The following RAP1GAP2 variants were observed in gnomAD, a reference collection of about 807,000 sequenced individuals.
RAP1GAP2 encodes the protein RAP1 GTPase activating protein 2, also known as rap1 GTPase-activating protein 2.
A neutral mutation model predicts 95.0 loss-of-function variants in RAP1GAP2; 27 were observed. That is an observed-to-expected ratio of 0.28 (90% CI 0.21 to 0.39). RAP1GAP2 has a LOEUF of 0.39. Among genes scored for constraint, RAP1GAP2 ranks in the 10% least tolerant of loss-of-function variants. The probability of loss-of-function intolerance (pLI) is 1.00; values close to 1 mark genes in which losing one functional copy is unlikely to be tolerated. For synonymous variants in RAP1GAP2, 373 were observed against 380.9 expected, an observed-to-expected ratio of 0.98 and a Z score of 0.24; for missense variants, 771 against 970.0, an observed-to-expected ratio of 0.79 and a Z score of 2.72.
rs1248512126 is a variant in RAP1GAP2, at chr17:2,827,595, G to C, written c.80+27045G>C. 6.6e-6 allele frequency among the ~76,000 whole-genome samples: 1 copy of C among 151,762 alleles called. No individual in the cohort carries two copies. The highest frequency in any genetic ancestry group is 1.5e-5 in the Non-Finnish European group (1 of 68,004). On this transcript the variant is annotated intron_variant, in intron 2 of 24. Coordinates refer to ENST00000254695, the MANE Select transcript of RAP1GAP2 (RefSeq NM_015085.5). This position sits in a 1 kb window ranked among gnomAD's most constrained non-coding sequence, Gnocchi z 4.1. ...GGCCAAGGCGGGTGGATCACCTGAG[G>C]TCAGGGGTTCAAGACCAGCCTGGAT...
At chr17:2,824,320 G>A (rs1277484295) in intron 2 of RAP1GAP2, among the ~76,000 whole-genome samples, 1 of 151,302 alleles carries the variant, frequency 6.6e-6, no homozygotes, top group Non-Finnish European at 1.5e-5. Flanking sequence ...GGTGGCACAC[G>A]CCTGTAATCT....
At chr17:2,916,427 C>G (rs754474571) in intron 3 of RAP1GAP2, among the ~76,000 whole-genome samples, 1 of 152,340 alleles carries the variant, frequency 6.6e-6, no homozygotes, top group Non-Finnish European at 1.5e-5. Context: ...AGATAAATCA[C>G]TTCTGGCATC....
chr17:2,859,713 G>GGT (rs1313676354), intron 2 of RAP1GAP2, among the ~76,000 whole-genome samples: 1 of 152,132 alleles, frequency 6.6e-6, no homozygotes, highest in Non-Finnish European at 1.5e-5. Context: ...TGGGATTATA[G>GGT]GTGTGAGCCG....
At chr17:2,956,396 A>T (rs2044107680) in intron 3 of RAP1GAP2, among the ~76,000 whole-genome samples, 1 of 152,154 alleles carries the variant, frequency 6.6e-6, no homozygotes, top group African/African-American at 2.4e-5. Context: ...CTCTCCAGGG[A>T]CTTCACCAGG....
intron 2 of RAP1GAP2, among the ~76,000 whole-genome samples, chr17:2,898,929 G>C (rs895625337): frequency 6.8e-6 from 1 of 146,086 alleles, no homozygotes; most frequent in East Asian, 1.9e-4. Flanking sequence ...TGGTGCTGGA[G>C]TATTGATTAG....
At chr17:2,885,095 A>C (rs996058978) in intron 2 of RAP1GAP2, among the ~76,000 whole-genome samples, 11 of 134,626 alleles carry the variant, frequency 8.2e-5, no homozygotes, top group Non-Finnish European at 1.5e-4. Flanking sequence ...GTACAGTGGC[A>C]CGATCTCGGC....
Position 3,026,000 on chromosome 17 carries a change from TC to T in RAP1GAP2, c.1752-5del. On this transcript the variant is annotated splice_region_variant and splice_polypyrimidine_tract_variant and intron_variant, in intron 19 of 24. Coordinates refer to ENST00000254695, the MANE Select transcript of RAP1GAP2 (RefSeq NM_015085.5). ...CCGCGGCCTCACTCCTCATTTCCAT[TC>T]CCTCAGTGACAGCACATCCAGCACA... is the stretch of plus-strand genomic sequence containing the variant. The T allele has an allele frequency of 6.2e-7, 1 of 1,600,578 alleles. No homozygotes were observed. Among genetic ancestry groups the T allele is most frequent in the Non-Finnish European group, 8.6e-7 (1 of 1,167,912 alleles).
At chr17:2,877,211 A>G (rs775170399) in intron 2 of RAP1GAP2, among the ~76,000 whole-genome samples, 10 of 151,830 alleles carry the variant, frequency 6.6e-5, no homozygotes, top group Admixed American at 4.6e-4. Flanking sequence ...CTTATTCCCC[A>G]TGTCCACTTG....
intron 3 of RAP1GAP2, among the ~76,000 whole-genome samples, chr17:2,940,787 C>T (rs1480687238): frequency 6.6e-6 from 1 of 152,224 alleles, no homozygotes; most frequent in African/African-American, 2.4e-5. Flanking sequence ...CGTCTTTCCC[C>T]TGCCTGCTGC....
chr17:2,885,305 T>G (rs2073454084), intron 2 of RAP1GAP2, among the ~76,000 whole-genome samples: 1 of 152,196 alleles, frequency 6.6e-6, no homozygotes, highest in Non-Finnish European at 1.5e-5. Flanking sequence ...GTGCTGGGAT[T>G]ACAGGCGTGA....
chr17:2,986,586 A>G (rs898004893), intron 11 of RAP1GAP2, among the ~76,000 whole-genome samples: 3 of 151,868 alleles, frequency 2.0e-5, no homozygotes, highest in African/African-American at 7.3e-5. Context: ...TTGTTTTGCA[A>G]ACCTGCAGCT....
intron 4 of RAP1GAP2, among the ~76,000 whole-genome samples, chr17:2,960,434 G>C (rs1389821565): frequency 1.3e-5 from 2 of 152,208 alleles, no homozygotes; most frequent in African/African-American, 4.8e-5. Context: ...GGGAGCGCCT[G>C]TTCAGTGGGA....
intron 23 of RAP1GAP2, among the ~76,000 whole-genome samples, 184 bp downstream of exon 23, chr17:3,031,182 C>A (rs1320490952): frequency 6.6e-6 from 1 of 152,262 alleles, no homozygotes; most frequent in African/African-American, 2.4e-5. Context: ...CCACCTTTGC[C>A]ACAACTCCCA....
At chr17:2,879,553 C>A (rs1265668840) in intron 2 of RAP1GAP2, among the ~76,000 whole-genome samples, 1 of 151,912 alleles carries the variant, frequency 6.6e-6, no homozygotes, top group Admixed American at 6.6e-5. Context: ...TGGTGAAACC[C>A]CGTCTCTACT....
intron 3 of RAP1GAP2, among the ~76,000 whole-genome samples, chr17:2,917,021 C>G (rs1345140079): frequency 1.3e-5 from 2 of 152,190 alleles, no homozygotes; most frequent in African/African-American, 4.8e-5. Flanking sequence ...GAACAGCTGG[C>G]TGGGTTCGTA....
At chr17:2,994,010 C>T (rs938636914) in intron 12 of RAP1GAP2, among the ~76,000 whole-genome samples, 5 of 152,108 alleles carry the variant, frequency 3.3e-5, no homozygotes, top group Admixed American at 1.3e-4. Flanking sequence ...TACACCATTG[C>T]GCTCCAGCCT....
At chr17:2,829,942 G>A (rs372028503) in intron 2 of RAP1GAP2, among the ~76,000 whole-genome samples, 1 of 151,556 alleles carries the variant, frequency 6.6e-6, no homozygotes, top group African/African-American at 2.4e-5. Flanking sequence ...GTGAGCCACC[G>A]TACCTGGCAG....
intron 8 of RAP1GAP2, among the ~76,000 whole-genome samples, chr17:2,969,968 A>T (rs2044785563): frequency 6.6e-6 from 1 of 151,978 alleles, no homozygotes; most frequent in Non-Finnish European, 1.5e-5. Context: ...TGGATGTGAA[A>T]TAATTTATTT....
At chr17:2,845,332 G>A (rs1272759795) in intron 2 of RAP1GAP2, among the ~76,000 whole-genome samples, 11 of 151,966 alleles carry the variant, frequency 7.2e-5, no homozygotes, top group Admixed American at 7.2e-4. Flanking sequence ...TACTAGAGAC[G>A]GGGTTTCACC....
Sources: gnomAD v4.1 joint callset for allele counts (sites outside exome capture counted in the v4.1 genomes callset) on GRCh38, gnomAD v4.1.1 for gene constraint, Gnocchi (gnomAD v3.1) non-coding constraint, MANE v1.5 for transcripts, NCBI Gene and HGNC (gene_info 2026-07-23, HGNC 2026-07-21) for gene names.